The following DGKD variants were observed in gnomAD, a reference collection of about 807,000 sequenced individuals.
DGKD encodes DAG kinase delta.
A neutral mutation model predicts 154.4 loss-of-function variants in DGKD; 68 were observed. That is an observed-to-expected ratio of 0.44 (90% confidence interval 0.36 to 0.54). DGKD has a LOEUF of 0.54. Ranked by LOEUF, DGKD falls within the 20% of genes least tolerant of loss-of-function variation. The pLI is 0.00. For missense variants in DGKD, 1,343 were observed against 1,593.6 expected, an observed-to-expected ratio of 0.84 and a Z score of 2.68; for synonymous variants, 693 against 638.0, an observed-to-expected ratio of 1.09 and a Z score of -1.30.
chr2:233,457,410 G>A lies in DGKD; in HGVS notation c.2580+82G>A. 9.4e-7 allele frequency: 1 copy of A among 1,064,606 alleles called. No homozygotes were observed. The highest frequency in any genetic ancestry group is 1.4e-6 in the Non-Finnish European group (1 of 690,652). The allele number at this position is 1,064,606 out of a possible 1,614,324, so 65.9% of individuals were successfully genotyped here. ...AGCAGGGGGGTGTTCTGCTGTGGCT[G>A]GGGTGGATCCAGCTCTTCTGTTGTG... is the stretch of plus-strand genomic sequence containing the variant. On this transcript the variant is annotated intron_variant, in intron 21 of 29. Coordinates refer to ENST00000264057, the MANE Select transcript of DGKD (RefSeq NM_152879.3). The surrounding 1 kb of genome is among the most constrained non-coding windows in gnomAD (Gnocchi z 5.5).
At chr2:233,415,050 C>T (rs927803650) in intron 3 of DGKD, among the ~76,000 whole-genome samples, 52 of 152,272 alleles carry the variant, frequency 3.4e-4, no homozygotes, top group African/African-American at 1.1e-3. Flanking sequence ...CTTGGCCTTC[C>T]GAGTAGCTGA....
rs1211262862 is a variant in DGKD at position 233,463,879 on chromosome 2, C to T, written c.3187-285C>T. 12 of 420,064 alleles carry T rather than the reference C, an allele frequency of 2.9e-5. No individual in the cohort carries two copies. In the East Asian group the frequency reaches 4.5e-4, roughly 16 times the overall value. The allele number at this position is 420,064 out of a possible 1,614,324, so 26.0% of individuals were successfully genotyped here. ...CACTGCTTGACACAGGTGAATGGCT[C>T]CGACCCCATTTCTGACAGAGGGACA... On this transcript the variant is annotated intron_variant, in intron 26 of 29. Transcript: ENST00000264057.
At chr2:233,397,545 GGGCAGAGTGAGAGGACAC>G (rs2061447442) in intron 3 of DGKD, among the ~76,000 whole-genome samples, 1 of 118,182 alleles carries the variant, frequency 8.5e-6, no homozygotes, top group African/African-American at 3.1e-5. Context: ...TGGGGGGGGG[GGGCAGAGTGAGAGGACAC>G]CAGAGGGGAC....
At chr2:233,464,098 C>G in intron 26 of DGKD, 66 bp from the exon 27 acceptor site, 2 of 1,602,596 alleles carry the variant, frequency 1.2e-6, no homozygotes, top group Non-Finnish European at 1.7e-6. Flanking sequence ...CCTCACCCCC[C>G]TGGGCCTCGC....
chr2:233,374,751 T>G (rs1157737584), intron 1 of DGKD, among the ~76,000 whole-genome samples: 1 of 152,130 alleles, frequency 6.6e-6, no homozygotes, highest in Non-Finnish European at 1.5e-5. Context: ...AAGCAACTTT[T>G]CTGCCCCAGT....
rs756562839 is a variant in DGKD at position 233,354,658 on chromosome 2, G to C, written c.140G>C (p.Gly47Ala). Residue 47 changes from glycine to alanine, a missense_variant, in exon 1 of 30, where the codon GGT becomes GCT. Coordinates refer to ENST00000264057, the MANE Select transcript of DGKD (RefSeq NM_152879.3). This position sits in a 1 kb window ranked among gnomAD's most constrained non-coding sequence, Gnocchi z 4.8. ...CTCATCCGCAAGGTGTCCACGTCGG[G>C]TCAGATCCGACAGAAGGTGAGCCCG... ...QKLIRKVSTS[G>A]QIRQKTIIKE... is the part of the protein sequence containing the mutation. 2 of 1,056,114 alleles carry C rather than the reference G, an allele frequency of 1.9e-6. No homozygotes were observed. Among genetic ancestry groups the C allele is most frequent in the East Asian group, 9.6e-5 (1 of 10,380 alleles). 65.4% of individuals were successfully genotyped at this position (1,056,114 alleles called of 1,614,324 possible).
chr2:233,447,036 G>A (rs1473280368), intron 12 of DGKD, among the ~76,000 whole-genome samples: 6 of 152,192 alleles, frequency 3.9e-5, no homozygotes, highest in South Asian at 4.1e-4. Flanking sequence ...AGGCCCTGCC[G>A]GGTGGTGGGG....
At chr2:233,426,883 C>G (rs987372746) in intron 3 of DGKD, among the ~76,000 whole-genome samples, 2 of 152,196 alleles carry the variant, frequency 1.3e-5, no homozygotes, top group Non-Finnish European at 1.5e-5. Context: ...ATGCATCACC[C>G]TGTAGCTTTA....
chr2:233,465,433 C>T (rs2063794829), intron 27 of DGKD, among the ~76,000 whole-genome samples: 1 of 152,254 alleles, frequency 6.6e-6, no homozygotes, highest in African/African-American at 2.4e-5. Flanking sequence ...TCTTGACTTT[C>T]ATACTTGGAG....
At chr2:233,405,057 A>G (rs1279675727) in intron 3 of DGKD, among the ~76,000 whole-genome samples, 1 of 152,214 alleles carries the variant, frequency 6.6e-6, no homozygotes, top group Admixed American at 6.5e-5. Context: ...TTTCAGGAAA[A>G]TGGATTGGCC....
chr2:233,454,510 T>C (rs902214408), intron 18 of DGKD: 4 of 495,800 alleles, frequency 8.1e-6, no homozygotes, highest in African/African-American at 7.9e-5. Flanking sequence ...ACAGGCTTTC[T>C]CTTTAGGGGG....
rs1459743594 is a variant in DGKD at position 233,457,707 on chromosome 2, C to CA, written c.2580+380dup. 7.4e-6 allele frequency: 3 copies of CA among 405,494 alleles called. No homozygotes were observed. The highest frequency in any genetic ancestry group is 2.0e-5 in the African/African-American group (1 of 48,904). 25.1% of individuals were successfully genotyped at this position (405,494 alleles called of 1,614,324 possible). On this transcript the variant is annotated intron_variant, in intron 21 of 29. Coordinates refer to ENST00000264057, the MANE Select transcript of DGKD (RefSeq NM_152879.3). The surrounding 1 kb of genome is among the most constrained non-coding windows in gnomAD (Gnocchi z 5.5). ...AGAGAGAATTGCACAGATGAAGGCT[C>CA]AGAGTCAAGACAGGGCAGGCACATG...
At chr2:233,422,987 A>G (rs926987437) in intron 3 of DGKD, among the ~76,000 whole-genome samples, 3 of 152,228 alleles carry the variant, frequency 2.0e-5, no homozygotes, top group Admixed American at 2.0e-4. Context: ...GGTCTTTTCA[A>G]GATGTGATAT....
intron 3 of DGKD, among the ~76,000 whole-genome samples, chr2:233,397,891 G>A (rs1195652762): frequency 6.6e-6 from 1 of 152,082 alleles, no homozygotes; most frequent in East Asian, 1.9e-4. Context: ...ACAGCAGCAG[G>A]CTGGTTAAGT....
At chr2:233,467,045 G>A in intron 27 of DGKD, 41 bp from the exon 28 acceptor site, 1 of 1,519,532 alleles carries the variant, frequency 6.6e-7, no homozygotes, top group South Asian at 1.1e-5. Context: ...GCCGTGATCA[G>A]TTGCAGCCTG....
At position 233,409,787 on chromosome 2, in the gene DGKD, G is replaced by GTTT. The variant is rs3075533; in HGVS notation, c.348+19331_348+19333dup. Among the ~76,000 whole-genome samples, 23 of 60,892 alleles carry GTTT rather than the reference G, an allele frequency of 3.8e-4. No individual in the cohort carries two copies. In the South Asian group the frequency reaches 6.0e-3, roughly 16 times the overall value. The allele number at this position is 60,892 out of a possible 152,430, so 39.9% of individuals were successfully genotyped here. A position where few individuals can be genotyped will look rare whatever the true frequency, so the allele number is the denominator to read the frequency against. ...AAAAAACATGTGATCCCCCCATACC[G>GTTT]TTTTTTTTTTTTTTTTTTTTTTTTT... On this transcript the variant is annotated intron_variant, in intron 3 of 29. Transcript: ENST00000264057.
Position 233,394,580 on chromosome 2 carries a change from ATTTCTAAGTC to A in DGKD, c.348+4100_348+4109del, listed in dbSNP as rs572140610. Among the ~76,000 whole-genome samples the A allele has an allele frequency of 1.5e-4, 23 of 148,970 alleles. No individual in the cohort carries two copies. The East Asian group carries it at 3.4e-3, about 22-fold the overall frequency. ...TAACTGTTCTCTCATGTATATTAGT[ATTTCTAAGTC>A]TTCTTTTCTTTGTTCAGAATTTACT... is the stretch of plus-strand genomic sequence containing the variant. On this transcript the variant is annotated intron_variant, in intron 3 of 29. Transcript: ENST00000264057.
At chr2:233,423,775 C>A (rs191373849) in intron 3 of DGKD, among the ~76,000 whole-genome samples, 1 of 152,078 alleles carries the variant, frequency 6.6e-6, no homozygotes, top group Non-Finnish European at 1.5e-5. Flanking sequence ...GATCCTTGGC[C>A]TGGAAGAGCA....
At position 233,438,377 on chromosome 2, in the gene DGKD, C is replaced by G; in HGVS notation, c.1083C>G (p.Leu361=). 1 of 1,608,884 alleles carries G rather than the reference C, an allele frequency of 6.2e-7. No homozygotes were observed. Among genetic ancestry groups the G allele is most frequent in the East Asian group, 2.2e-5 (1 of 44,732 alleles). The change falls in exon 9 of 30, where the codon CTC becomes CTG. Residue 361 remains leucine (L), a splice_region_variant and synonymous_variant. Transcript: ENST00000264057. The surrounding 1 kb of genome is among the most constrained non-coding windows in gnomAD (Gnocchi z 4.1). ...ACCTCATGAACGGAGGCCCACACCT[C>G]GGGTAGGAAGCTTGTAAAATATATC... ...VFDLMNGGPH[L]GLRLFQKFDT... is the part of the protein sequence containing the mutation.
Sources: allele counts gnomAD v4.1 joint callset (sites outside exome capture counted in the v4.1 genomes callset), GRCh38; gene constraint gnomAD v4.1.1; non-coding constraint Gnocchi (gnomAD v3.1); transcripts MANE v1.5; gene names NCBI Gene and HGNC (gene_info 2026-07-23, HGNC 2026-07-21).